PSD3: variants seen among roughly 807,000 people sequenced by gnomAD.
PSD3 encodes the protein PH and SEC7 domain-containing protein 3.
PSD3 carries 49 observed loss-of-function variants against 105.5 expected under a neutral mutation model. The ratio of observed to expected loss-of-function variants is 0.46; its 90% CI spans 0.37 to 0.59. The LOEUF is 0.59. PSD3 is among the 20% of genes least tolerant of loss of function. PSD3 has a pLI of 0.00. For synonymous variants in PSD3, 557 were observed against 457.8 expected (o/e 1.22, Z -2.77); for missense variants, 1,561 against 1,263.8 (o/e 1.24, Z -3.57).
intron 14 of PSD3, among the ~76,000 whole-genome samples, chr8:18,558,242 T>C (rs1307380283): frequency 2.0e-5 from 3 of 152,238 alleles, no homozygotes; most frequent in Non-Finnish European, 4.4e-5. Flanking sequence ...TGTTTTCCTT[T>C]GTGTATTTAT....
chr8:18,810,653 C>A (rs143044557), intron 4 of PSD3, among the ~76,000 whole-genome samples: 201 of 152,210 alleles, frequency 1.3e-3, no homozygotes, highest in African/African-American at 4.4e-3. Flanking sequence ...AAGTGTACCC[C>A]AAGGGTTGTA....
chr8:18,951,153 G>A, intron 1 of PSD3, among the ~76,000 whole-genome samples: 1 of 152,168 alleles, frequency 6.6e-6, no homozygotes, highest in Non-Finnish European at 1.5e-5. Flanking sequence ...CCAGCACTTT[G>A]GGAGGCCGTG....
intron 4 of PSD3, among the ~76,000 whole-genome samples, chr8:18,823,906 A>T (rs1586139469): frequency 6.6e-6 from 1 of 152,138 alleles, no homozygotes; most frequent in Admixed American, 6.5e-5. Flanking sequence ...GAGGTCAGGC[A>T]TGGTAGCTCA....
intron 9 of PSD3, among the ~76,000 whole-genome samples, chr8:18,666,270 T>A (rs1799447365): frequency 6.6e-6 from 1 of 152,198 alleles, no homozygotes; most frequent in Non-Finnish European, 1.5e-5. Flanking sequence ...AGGCTGGTCT[T>A]GAACTCCTGA....
At chr8:18,753,408 G>A (rs1238307966) in intron 9 of PSD3, among the ~76,000 whole-genome samples, 2 of 151,634 alleles carry the variant, frequency 1.3e-5, no homozygotes, top group Non-Finnish European at 2.9e-5. Context: ...CCTCTGACAA[G>A]ATGGTATGTT....
At chr8:19,023,673 G>C (rs1336929461) in intron 1 of PSD3, among the ~76,000 whole-genome samples, 4 of 152,130 alleles carry the variant, frequency 2.6e-5, no homozygotes, top group Admixed American at 1.3e-4. Flanking sequence ...CCGGCCTCAA[G>C]TGATCCTCCA....
At chr8:18,962,968 G>A (rs773843784) in intron 1 of PSD3, among the ~76,000 whole-genome samples, 35 of 152,162 alleles carry the variant, frequency 2.3e-4, no homozygotes, top group Admixed American at 5.9e-4. Context: ...CCGTTTTCAC[G>A]CTGCTGATAA....
chr8:18,944,571 A>AAAATAAATAAAT (rs56700106), intron 1 of PSD3, among the ~76,000 whole-genome samples: 4 of 143,770 alleles, frequency 2.8e-5, no homozygotes, highest in African/African-American at 7.8e-5. Flanking sequence ...ACTCCATCTC[A>AAAATAAATAAAT]AAATAAATAA....
intron 8 of PSD3, 82 bp from the exon 9 acceptor site, chr8:18,765,620 T>C (rs1053680220): frequency 8.3e-7 from 1 of 1,211,532 alleles, no homozygotes; most frequent in African/African-American, 1.5e-5. Flanking sequence ...GGCAGACCAA[T>C]AATTTGTTTC....
chr8:18,854,416 A>C (rs1815839527), intron 4 of PSD3: 1 of 152,312 alleles, frequency 6.6e-6, no homozygotes, highest in Non-Finnish European at 1.5e-5. Flanking sequence ...GAAGTCACTC[A>C]TGACCTCACA....
At chr8:18,565,887 T>A (rs1417683950) in intron 14 of PSD3, among the ~76,000 whole-genome samples, 1 of 152,094 alleles carries the variant, frequency 6.6e-6, no homozygotes, top group Non-Finnish European at 1.5e-5. Flanking sequence ...CCTATTGGCA[T>A]CTAGTGGGTA....
intron 2 of PSD3, among the ~76,000 whole-genome samples, chr8:18,903,728 G>A (rs1175926525): frequency 6.6e-6 from 1 of 152,168 alleles, no homozygotes; most frequent in Non-Finnish European, 1.5e-5. Context: ...GTTCTGGATG[G>A]CCCAGGCACA....
chr8:18,654,805 C>T (rs1228950171), intron 10 of PSD3, among the ~76,000 whole-genome samples: 1 of 152,108 alleles, frequency 6.6e-6, no homozygotes, highest in Admixed American at 6.5e-5. Flanking sequence ...CAAGCTTATT[C>T]CATTCAGAGA....
At chr8:18,543,623 C>CAA (rs537598474) in intron 15 of PSD3, among the ~76,000 whole-genome samples, 2 of 133,790 alleles carry the variant, frequency 1.5e-5, no homozygotes, top group African/African-American at 2.7e-5. Context: ...CTCTCAAAAA[C>CAA]AAAAAAAAAA....
chr8:19,002,659 C>T (rs1019694360), intron 1 of PSD3, among the ~76,000 whole-genome samples: 4 of 152,006 alleles, frequency 2.6e-5, no homozygotes, highest in African/African-American at 7.2e-5. Context: ...CTCTAGGTTT[C>T]GTATAATACC....
rs140426475 is a variant in PSD3, at chr8:19,076,454, G to A, written c.324+7752C>T. 3.8e-3 allele frequency among the ~76,000 whole-genome samples: 573 copies of A among 152,130 alleles called. 3 individuals carry two copies. The highest frequency in any genetic ancestry group is 0.013 in the African/African-American group (548 of 41,502). On this transcript the variant is annotated intron_variant, in intron 1 of 1. Transcript: ENST00000521475. ...CTAAAAATAAAAAAGAGCTCAGAGA[G>A]CAGAGTACTAGTGGGAGAGATGCAA...
In PSD3 at chr8:18,587,345, T is replaced by C. The variant is rs542406686; in HGVS notation, c.2482-12060A>G. Among the ~76,000 whole-genome samples, 217 of 152,284 alleles carry C rather than the reference T, an allele frequency of 1.4e-3. 2 individuals carry two copies. The highest frequency in any genetic ancestry group is 5.0e-3 in the African/African-American group (209 of 41,576). On this transcript the variant is annotated intron_variant, in intron 12 of 15. Transcript: ENST00000327040. Reference sequence around the variant, plus strand: ...ATTCCTTGAGGGAAGAAAACAGTTCTTTCGTAAATGGGACACTTTATGACA... The same window carrying C: ...ATTCCTTGAGGGAAGAAAACAGTTCCTTCGTAAATGGGACACTTTATGACA...
At chr8:18,829,066 C>G (rs967954799) in intron 4 of PSD3, among the ~76,000 whole-genome samples, 15 of 151,922 alleles carry the variant, frequency 9.9e-5, no homozygotes, top group African/African-American at 3.4e-4. Flanking sequence ...GAGTGAGACT[C>G]CGTTAAAAAA....
At position 18,535,686 on chromosome 8, in the gene PSD3, G is replaced by C; in HGVS notation, c.*57C>G. On this transcript the variant is annotated 3_prime_UTR_variant, in exon 16 of 16. Coordinates refer to ENST00000327040, the MANE Select transcript of PSD3 (RefSeq NM_015310.4). ...AAATATATTCACGGATTACCAGAAAGATCTTGAAAAACCCTATTTTGCTCC... is the reference window on the plus strand; with the variant it reads ...AAATATATTCACGGATTACCAGAAACATCTTGAAAAACCCTATTTTGCTCC... 1 of 1,371,068 alleles carries C rather than the reference G, an allele frequency of 7.3e-7. No homozygotes were observed. Among genetic ancestry groups the C allele is most frequent in the East Asian group, 2.3e-5 (1 of 43,292 alleles). The allele number at this position is 1,371,068 out of a possible 1,614,324, so 84.9% of individuals were successfully genotyped here.
Sources: gnomAD v4.1 joint callset for allele counts (sites outside exome capture counted in the v4.1 genomes callset) on GRCh38, gnomAD v4.1.1 for gene constraint, MANE v1.5 for transcripts, NCBI Gene and HGNC (gene_info 2026-07-23, HGNC 2026-07-21) for gene names.